ELAPOR1: variants seen among roughly 807,000 people sequenced by gnomAD.
The protein encoded by ELAPOR1 is endosome/lysosome-associated apoptosis and autophagy regulator 1.
A neutral mutation model predicts 119.7 loss-of-function variants in ELAPOR1; 77 were observed. The ratio of observed to expected loss-of-function variants is 0.64; its 90% CI spans 0.54 to 0.78. The LOEUF (loss-of-function observed/expected upper bound fraction) is 0.78, where lower values mean the gene tolerates loss of function less well. Among genes scored for constraint, ELAPOR1 ranks in the 30% least tolerant of loss-of-function variants. ELAPOR1 has a pLI of 0.00. For missense variants in ELAPOR1, 1,115 were observed against 1,270.4 expected (o/e 0.88, Z 1.86); for synonymous variants, 481 against 487.2 (o/e 0.99, Z 0.17).
At chr1:109,183,813 G>T (rs955272173) in intron 7 of ELAPOR1, among the ~76,000 whole-genome samples, 3 of 152,002 alleles carry the variant, frequency 2.0e-5, no homozygotes, top group African/African-American at 7.2e-5. Context: ...GACAGGGTTT[G>T]CTATGTTGCC....
At chr1:109,186,952 A>C in intron 8 of ELAPOR1, 1 of 985,566 alleles carries the variant, frequency 1.0e-6, no homozygotes, top group Non-Finnish European at 1.2e-6. Context: ...CCCAGCTCAG[A>C]GGAGGAGCAC....
chr1:109,119,152 C>G (rs561210106), intron 1 of ELAPOR1, among the ~76,000 whole-genome samples: 5 of 151,976 alleles, frequency 3.3e-5, no homozygotes, highest in African/African-American at 1.2e-4. Flanking sequence ...CCGCCTCGGC[C>G]TCCCAAAGTG....
intron 17 of ELAPOR1, 64 bp downstream of exon 17, chr1:109,198,139 TC>T: frequency 7.9e-7 from 1 of 1,269,802 alleles, no homozygotes. Context: ...TTCTGCTGCA[TC>T]CCTCCCTCTC....
intron 21 of ELAPOR1, among the ~76,000 whole-genome samples, chr1:109,202,585 C>T (rs1390769907): frequency 3.3e-5 from 5 of 151,396 alleles, no homozygotes; most frequent in Admixed American, 6.6e-5. Flanking sequence ...CGATTATAGG[C>T]GCCTGCCACC....
In ELAPOR1 at chr1:109,130,181, G is replaced by T. The variant is rs901772758; in HGVS notation, c.153+15845G>T. Among the ~76,000 whole-genome samples, 3 of 152,282 alleles carry T rather than the reference G, an allele frequency of 2.0e-5. No individual in the cohort carries two copies. The South Asian group carries it at 6.2e-4, about 32-fold the overall frequency. Reference sequence around the variant, plus strand: ...GACTTCATCTTGACTAACTATATCTGCAAAGACACTGTTCCAAAGAAGATT... The same window carrying T: ...GACTTCATCTTGACTAACTATATCTTCAAAGACACTGTTCCAAAGAAGATT... On this transcript the variant is annotated intron_variant, in intron 1 of 21. Coordinates refer to ENST00000369939, the MANE Select transcript of ELAPOR1 (RefSeq NM_020775.5).
At position 109,161,866 on chromosome 1, in the gene ELAPOR1, A is replaced by G. The variant is rs1651281292; in HGVS notation, c.154-28A>G. 3.1e-6 allele frequency: 5 copies of G among 1,592,098 alleles called. No individual in the cohort carries two copies. The East Asian group carries it at 9.0e-5, about 29-fold the overall frequency. On this transcript the variant is annotated intron_variant, in intron 1 of 21. Coordinates refer to ENST00000369939, the MANE Select transcript of ELAPOR1 (RefSeq NM_020775.5). ...TAATGTTTGATCACTGCTAATGCACATTTCGCCCACTGTTCTCTCCCCTGC... is the reference window on the plus strand; with the variant it reads ...TAATGTTTGATCACTGCTAATGCACGTTTCGCCCACTGTTCTCTCCCCTGC...
chr1:109,140,687 A>G lies in ELAPOR1; in HGVS notation c.154-21207A>G, dbSNP rs143338365. 5.7e-3 allele frequency among the ~76,000 whole-genome samples: 872 copies of G among 152,292 alleles called. 12 individuals are homozygous for G. The highest frequency in any genetic ancestry group is 0.02 in the African/African-American group (829 of 41,564). ...TAGATAGATCTCAGGATTGTATACA[A>G]GGGCACCGCTCCTGGCTTGAGGAGG... On this transcript the variant is annotated intron_variant, in intron 1 of 21. Transcript: ENST00000369939.
chr1:109,162,569 A>G (rs1266598704), intron 2 of ELAPOR1, among the ~76,000 whole-genome samples: 1 of 152,242 alleles, frequency 6.6e-6, no homozygotes, highest in Non-Finnish European at 1.5e-5. Context: ...CTCTGCAGTC[A>G]CAACTTTTCT....
chr1:109,147,519 T>C (rs1270918499), intron 1 of ELAPOR1, among the ~76,000 whole-genome samples: 1 of 152,198 alleles, frequency 6.6e-6, no homozygotes, highest in Non-Finnish European at 1.5e-5. Flanking sequence ...TATAACTATA[T>C]ACTATAATGG....
intron 3 of ELAPOR1, among the ~76,000 whole-genome samples, 177 bp from the exon 4 acceptor site, chr1:109,171,689 A>T (rs1651935938): frequency 6.6e-6 from 1 of 152,022 alleles, no homozygotes; most frequent in African/African-American, 2.4e-5. Flanking sequence ...CAGGTCCTTG[A>T]CCTACCTGAG....
Position 109,114,126 on chromosome 1 carries a change from A to C in ELAPOR1, c.-58A>C. The C allele has an allele frequency of 1.4e-6, 2 of 1,457,450 alleles. No homozygotes were observed. The highest frequency in any genetic ancestry group is 2.6e-5 in the Admixed American group (1 of 38,470). The allele number at this position is 1,457,450 out of a possible 1,614,324, so 90.3% of individuals were successfully genotyped here. On this transcript the variant is annotated 5_prime_UTR_variant, in exon 1 of 22. Coordinates refer to ENST00000369939, the MANE Select transcript of ELAPOR1 (RefSeq NM_020775.5). ...CTCCCCTTTTTTTCCGCCTTCTGCC[A>C]GCAGAAGCAGCAGCCGCAGCACCTG... is the stretch of plus-strand genomic sequence containing the variant.
At chr1:109,132,153 G>A (rs759344608) in intron 1 of ELAPOR1, among the ~76,000 whole-genome samples, 37 of 152,128 alleles carry the variant, frequency 2.4e-4, no homozygotes, top group Non-Finnish European at 4.9e-4. Context: ...AGACCAACCA[G>A]GCTTTTTTTT....
chr1:109,187,808 T>G (rs1402544869), intron 8 of ELAPOR1: 17 of 923,336 alleles, frequency 1.8e-5, no homozygotes, highest in Non-Finnish European at 2.3e-5. Context: ...CCTTGTGCCT[T>G]TCTGTGTTCT....
rs1653884098 is a variant in ELAPOR1, at chr1:109,197,503, T to G, written c.2151T>G (p.Asn717Lys). 1.2e-6 allele frequency: 2 copies of G among 1,614,146 alleles called. No homozygotes were observed. Among genetic ancestry groups the G allele is most frequent in the East Asian group, 4.5e-5 (2 of 44,884 alleles). Reference protein sequence around the residue: ...QGRKMSVCTDNVTDLRIPEGE... With the variant: ...QGRKMSVCTDKVTDLRIPEGE... ...GGAAAATGTCTGTGTGCACCGACAA[T>G]GTCACTGACCTCCGGATTCCTGAGG... Residue 717 changes from asparagine (N) to lysine (K), a missense_variant, in exon 16 of 22, where the codon AAT (asparagine) becomes AAG (lysine). By Grantham distance (94) the Asn-to-Lys change is moderately conservative. Coordinates refer to ENST00000369939, the MANE Select transcript of ELAPOR1 (RefSeq NM_020775.5).
intron 13 of ELAPOR1, among the ~76,000 whole-genome samples, chr1:109,192,345 C>CT (rs1193524670): frequency 6.6e-6 from 1 of 152,218 alleles, no homozygotes; most frequent in African/African-American, 2.4e-5. Flanking sequence ...AAAAGACTTG[C>CT]TTTTTTCATA....
At chr1:109,194,121 T>C (rs1238128916) in intron 14 of ELAPOR1, among the ~76,000 whole-genome samples, 1 of 152,188 alleles carries the variant, frequency 6.6e-6, no homozygotes, top group African/African-American at 2.4e-5. Flanking sequence ...CTCTTGTGTC[T>C]TGAGAGGCTT....
chr1:109,202,290 T>G (rs1190722609), intron 21 of ELAPOR1, among the ~76,000 whole-genome samples: 1 of 151,850 alleles, frequency 6.6e-6, no homozygotes, highest in African/African-American at 2.4e-5. Context: ...TTTTTTTTTT[T>G]TGTATTTTTA....
Position 109,114,274 on chromosome 1 carries a change from T to C in ELAPOR1, c.91T>C (p.Trp31Arg). Residue 31 changes from tryptophan to arginine, a missense_variant, in exon 1 of 22, where the codon TGG (tryptophan) becomes CGG (arginine). Physicochemically the swap from Trp to Arg is moderately radical, Grantham distance 101 (BLOSUM62 -3). Coordinates refer to ENST00000369939, the MANE Select transcript of ELAPOR1 (RefSeq NM_020775.5). ...RIPRLWRLLLWAGTAFQVTQG... is the reference protein window; with the variant it reads ...RIPRLWRLLLRAGTAFQVTQG... ...ACCCCGGCTGTGGCGGCTGCTGCTC[T>C]GGGCTGGGACCGCCTTCCAGGTGAC... is the stretch of plus-strand genomic sequence containing the variant. 6.2e-7 allele frequency: 1 copy of C among 1,600,496 alleles called. No homozygotes were observed. Among genetic ancestry groups the C allele is most frequent in the South Asian group, 1.1e-5 (1 of 88,820 alleles).
At chr1:109,157,770 A>G (rs1412227758) in intron 1 of ELAPOR1, among the ~76,000 whole-genome samples, 1 of 152,214 alleles carries the variant, frequency 6.6e-6, no homozygotes. Flanking sequence ...TGAATTGTGG[A>G]CCACATCTCT....
Sources: gnomAD v4.1 joint callset for allele counts (sites outside exome capture counted in the v4.1 genomes callset) on GRCh38, gnomAD v4.1.1 for gene constraint, MANE v1.5 for transcripts, NCBI Gene and HGNC (gene_info 2026-07-23, HGNC 2026-07-21) for gene names.